SLC22A23: variants seen among roughly 807,000 people sequenced by gnomAD.
SLC22A23 encodes the protein ion transporter protein.
In SLC22A23, 26 loss-of-function variants were observed where a neutral mutation model predicts 61.0. That is an observed-to-expected ratio of 0.43 (90% CI 0.31 to 0.59). The LOEUF is 0.59. SLC22A23 is among the 20% of genes least tolerant of loss of function. The pLI is 0.11. For missense variants in SLC22A23, 796 were observed against 934.7 expected, an observed-to-expected ratio of 0.85 and a Z score of 1.94; for synonymous variants, 430 against 413.9, an observed-to-expected ratio of 1.04 and a Z score of -0.47.
At chr6:3,307,863 A>AG (rs1244317156) in intron 4 of SLC22A23, among the ~76,000 whole-genome samples, 1 of 152,190 alleles carries the variant, frequency 6.6e-6, no homozygotes, top group African/African-American at 2.4e-5. Context: ...GGATAACAAA[A>AG]TGTGGTCCAT....
At chr6:3,354,087 T>A (rs1764931408) in intron 3 of SLC22A23, among the ~76,000 whole-genome samples, 1 of 152,246 alleles carries the variant, frequency 6.6e-6, no homozygotes, top group South Asian at 2.1e-4. Context: ...CTGATTGGAT[T>A]GTGGAAATTT....
intron 6 of SLC22A23, among the ~76,000 whole-genome samples, chr6:3,288,771 C>G (rs759372533): frequency 5.9e-5 from 9 of 152,254 alleles, no homozygotes; most frequent in Non-Finnish European, 1.2e-4. Context: ...AGCAGAGTGG[C>G]CAAGGCTGAG....
chr6:3,281,833 G>A (rs1759499622), intron 9 of SLC22A23, among the ~76,000 whole-genome samples: 1 of 152,056 alleles, frequency 6.6e-6, no homozygotes, highest in South Asian at 2.1e-4. Flanking sequence ...GACCCCCTTT[G>A]GACTTAATTT....
At chr6:3,283,637 T>A in intron 9 of SLC22A23, 1 of 594,480 alleles carries the variant, frequency 1.7e-6, no homozygotes, top group Non-Finnish European at 2.9e-6. Flanking sequence ...TTCCTCCTGC[T>A]GCTGCCTGGA....
At chr6:3,315,639 G>A (rs1434645354) in intron 4 of SLC22A23, among the ~76,000 whole-genome samples, 1 of 152,160 alleles carries the variant, frequency 6.6e-6, no homozygotes, top group Non-Finnish European at 1.5e-5. Context: ...GCCGAGGCAG[G>A]CGGATCACTA....
chr6:3,273,873 G>C lies in SLC22A23; in HGVS notation c.1704-461C>G, dbSNP rs553299353. ...GAGGGTACTAAGGACATACCAACAC[G>C]AACAGAGACTTTCTCTTTGTCATAA... is the stretch of plus-strand genomic sequence containing the variant. On this transcript the variant is annotated intron_variant, in intron 9 of 9. Transcript: ENST00000406686. Among the ~76,000 whole-genome samples the C allele has an allele frequency of 1.2e-4, 18 of 152,258 alleles. No individual in the cohort carries two copies. In the South Asian group the frequency reaches 3.5e-3, roughly 30 times the overall value.
At chr6:3,314,141 T>C (rs1762507355) in intron 4 of SLC22A23, among the ~76,000 whole-genome samples, 1 of 152,252 alleles carries the variant, frequency 6.6e-6, no homozygotes, top group African/African-American at 2.4e-5. Context: ...CAGGTACTGA[T>C]ACCCCAATAA....
intron 9 of SLC22A23, chr6:3,276,968 G>C (rs193125766): frequency 6.6e-6 from 1 of 152,212 alleles, no homozygotes; most frequent in Non-Finnish European, 1.5e-5. Context: ...CCGAAGCCTC[G>C]GTCTGCATCT....
chr6:3,276,111 G>T (rs1412389437), intron 9 of SLC22A23, among the ~76,000 whole-genome samples: 1 of 150,804 alleles, frequency 6.6e-6, no homozygotes, highest in African/African-American at 2.4e-5. Context: ...AATGGTGATT[G>T]TGTGTGTGTG....
chr6:3,285,814 C>T (rs998252672), intron 7 of SLC22A23, among the ~76,000 whole-genome samples: 11 of 152,186 alleles, frequency 7.2e-5, no homozygotes, highest in South Asian at 2.1e-4. Context: ...GATCTGGGTG[C>T]GGTGGACAGC....
At chr6:3,405,560 C>T (rs79962734) in intron 3 of SLC22A23, among the ~76,000 whole-genome samples, 2,012 of 152,230 alleles carry the variant, frequency 0.013, 17 homozygotes, top group Non-Finnish European at 0.021. Flanking sequence ...CGGCAATCTC[C>T]ATTCTCTTCA....
chr6:3,359,542 A>G (rs1765308161), intron 3 of SLC22A23, among the ~76,000 whole-genome samples: 1 of 152,154 alleles, frequency 6.6e-6, no homozygotes, highest in Non-Finnish European at 1.5e-5. Context: ...AGGAAATAAC[A>G]AGTGCTGACA....
At chr6:3,302,368 T>C (rs1365598643) in intron 4 of SLC22A23, among the ~76,000 whole-genome samples, 2 of 152,182 alleles carry the variant, frequency 1.3e-5, no homozygotes, top group Non-Finnish European at 2.9e-5. Context: ...TTAAAATCTT[T>C]TCAAAAAACC....
intron 4 of SLC22A23, among the ~76,000 whole-genome samples, chr6:3,303,821 T>C (rs757313746): frequency 1.3e-5 from 2 of 152,198 alleles, no homozygotes; most frequent in African/African-American, 2.4e-5. Context: ...ATATATCATA[T>C]AGTTTCAAAT....
chr6:3,341,796 C>T (rs374201279), intron 3 of SLC22A23, among the ~76,000 whole-genome samples: 27 of 151,964 alleles, frequency 1.8e-4, no homozygotes, highest in Middle Eastern at 3.4e-3. Flanking sequence ...GGCGGGGGAG[C>T]GCAGGAAACT....
intron 3 of SLC22A23, among the ~76,000 whole-genome samples, chr6:3,402,416 C>CAACCCCAATTACCCACACTACCCA (rs1286049655): frequency 0.067 from 9,770 of 145,922 alleles, 582 homozygotes; most frequent in Non-Finnish European, 0.095. Flanking sequence ...ATTTAGATTC[C>CAACCCCAATTACCCACACTACCCA]GACCCCAATC....
intron 3 of SLC22A23, among the ~76,000 whole-genome samples, chr6:3,404,596 G>C (rs973963299): frequency 6.6e-6 from 1 of 152,120 alleles, no homozygotes; most frequent in Non-Finnish European, 1.5e-5. Flanking sequence ...CTCCCTGCTG[G>C]ATGGCTCACC....
chr6:3,389,259 A>G (rs1167924066), intron 3 of SLC22A23, among the ~76,000 whole-genome samples: 36 of 111,358 alleles, frequency 3.2e-4, no homozygotes, highest in Non-Finnish European at 6.6e-4. Flanking sequence ...CAAGAGCAAA[A>G]CTCTGTCTCA....
chr6:3,321,985 G>A (rs1202259977), intron 4 of SLC22A23, among the ~76,000 whole-genome samples: 3 of 152,138 alleles, frequency 2.0e-5, no homozygotes, highest in African/African-American at 4.8e-5. Context: ...TTCCTTTAAT[G>A]AGCAAGTATT....
Sources: gnomAD v4.1 joint callset for allele counts (sites outside exome capture counted in the v4.1 genomes callset) on GRCh38, gnomAD v4.1.1 for gene constraint, MANE v1.5 for transcripts, NCBI Gene and HGNC (gene_info 2026-07-23, HGNC 2026-07-21) for gene names.